The following PTPN4 variants were observed in gnomAD, a reference collection of about 807,000 sequenced individuals.
PTPN4 encodes tyrosine-protein phosphatase non-receptor type 4.
PTPN4 carries 49 observed loss-of-function variants against 135.5 expected under a neutral mutation model. The ratio of observed to expected loss-of-function variants is 0.36; its 90% CI spans 0.29 to 0.46. The LOEUF (loss-of-function observed/expected upper bound fraction) is 0.46. Among genes scored for constraint, PTPN4 ranks in the 20% least tolerant of loss-of-function variants. The probability of loss-of-function intolerance (pLI) is 1.00; values close to 1 mark genes in which losing one functional copy is unlikely to be tolerated. For missense variants in PTPN4, 860 were observed against 1,101.0 expected (o/e 0.78, Z 3.10); for synonymous variants, 333 against 369.9 (o/e 0.90, Z 1.14).
At chr2:119,766,090 C>G (rs1389298716) in intron 1 of PTPN4, among the ~76,000 whole-genome samples, 1 of 152,126 alleles carries the variant, frequency 6.6e-6, no homozygotes, top group Non-Finnish European at 1.5e-5. Context: ...GCAAGATACC[C>G]TTGTTTAATG....
At chr2:119,962,574 A>G in intron 23 of PTPN4, 42 bp from the exon 24 acceptor site, 1 of 1,088,906 alleles carries the variant, frequency 9.2e-7, no homozygotes, top group Non-Finnish European at 1.2e-6. Flanking sequence ...ATGAATCCAT[A>G]TGTATATAAT....
At chr2:119,963,064 C>A (rs1218436610) in intron 24 of PTPN4, among the ~76,000 whole-genome samples, 1 of 152,114 alleles carries the variant, frequency 6.6e-6, no homozygotes, top group Admixed American at 6.6e-5. Context: ...AAAACTTTTA[C>A]TCCAAGTAGT....
intron 10 of PTPN4, among the ~76,000 whole-genome samples, chr2:119,913,130 G>GT (rs1558762522): frequency 1.3e-5 from 2 of 152,030 alleles, no homozygotes; most frequent in Non-Finnish European, 2.9e-5. Flanking sequence ...CAGTTCACCA[G>GT]TTTTTTCCCC....
At chr2:119,788,107 C>T (rs962172161) in intron 1 of PTPN4, among the ~76,000 whole-genome samples, 1 of 152,044 alleles carries the variant, frequency 6.6e-6, no homozygotes, top group East Asian at 1.9e-4. Context: ...ACCCTTGTTA[C>T]AGTAGTTTTA....
At chr2:119,922,465 T>C (rs1369338197) in intron 12 of PTPN4, among the ~76,000 whole-genome samples, 1 of 152,206 alleles carries the variant, frequency 6.6e-6, no homozygotes, top group African/African-American at 2.4e-5. Context: ...TAAAATCTGA[T>C]GTTAGTATGA....
In PTPN4 at chr2:119,914,248, A is replaced by ATTTTTTTTTTTTTTTTTT. The variant is rs55911315; in HGVS notation, c.765-920_765-903dup. ...CATAAATACAGTCAATAGTTACTCAATTTTTTTTTTTTTTTTTTTTTTTTT... is the reference window on the plus strand; with the variant it reads ...CATAAATACAGTCAATAGTTACTCAATTTTTTTTTTTTTTTTTTTTTTTTTTTTTTTTTTTTTTTTTTT... On this transcript the variant is annotated intron_variant, in intron 10 of 26. Coordinates refer to ENST00000263708, the MANE Select transcript of PTPN4 (RefSeq NM_002830.4). 4.5e-4 allele frequency among the ~76,000 whole-genome samples: 44 copies of ATTTTTTTTTTTTTTTTTT among 97,416 alleles called. 5 individuals carry two copies. The highest frequency in any genetic ancestry group is 2.4e-3 in the African/African-American group (41 of 17,056). The allele number at this position is 97,416 out of a possible 152,430, so 63.9% of individuals were successfully genotyped here.
At chr2:119,842,417 TATAAAAG>T (rs909440494) in intron 2 of PTPN4, among the ~76,000 whole-genome samples, 14 of 152,170 alleles carry the variant, frequency 9.2e-5, no homozygotes. Flanking sequence ...GTTGTAAGCA[TATAAAAG>T]TAGAAAGAAT....
chr2:119,977,234 C>A lies in PTPN4; in HGVS notation c.*164C>A. On this transcript the variant is annotated 3_prime_UTR_variant, in exon 27 of 27. Transcript: ENST00000263708. The stretch of plus-strand genomic sequence containing the variant: ...TTGCACTTTATGTTTTAAAAAATGT[C>A]ACTCTTTCAAAATCTATAACTCATG... 1 of 1,168,736 alleles carries A rather than the reference C, an allele frequency of 8.6e-7. No individual in the cohort carries two copies. The highest frequency in any genetic ancestry group is 1.1e-6 in the Non-Finnish European group (1 of 901,662). 72.4% of individuals were successfully genotyped at this position (1,168,736 alleles called of 1,614,324 possible). A position where few individuals can be genotyped will look rare whatever the true frequency, so the allele number is the denominator to read the frequency against.
chr2:119,944,712 C>T (rs1406229485), intron 15 of PTPN4, among the ~76,000 whole-genome samples: 2 of 152,102 alleles, frequency 1.3e-5, no homozygotes, highest in Non-Finnish European at 2.9e-5. Context: ...GTTACTTTAT[C>T]TGTGGAACTA....
At chr2:119,932,273 A>T (rs1252103113) in intron 13 of PTPN4, 151 bp from the exon 14 acceptor site, 18 of 674,960 alleles carry the variant, frequency 2.7e-5, no homozygotes, top group Non-Finnish European at 4.0e-5. Context: ...GTTATTTGGT[A>T]AATAGCCTCT....
intron 18 of PTPN4, among the ~76,000 whole-genome samples, chr2:119,947,063 T>C (rs1013416918): frequency 4.6e-5 from 7 of 152,168 alleles, no homozygotes; most frequent in African/African-American, 1.4e-4. Flanking sequence ...GAATCTCCTA[T>C]TACTCATTGT....
At chr2:119,946,641 C>T (rs2105048263) in intron 18 of PTPN4, 67 bp downstream of exon 18, 1 of 1,202,450 alleles carries the variant, frequency 8.3e-7, no homozygotes, top group Non-Finnish European at 1.2e-6. Flanking sequence ...ATAATTCTTA[C>T]TAGTTTAAAT....
intron 10 of PTPN4, 23 bp from the exon 11 acceptor site, chr2:119,915,156 A>T: frequency 6.7e-7 from 1 of 1,492,196 alleles, no homozygotes. Context: ...AATACTTTGA[A>T]TAATTTATTG....
chr2:119,836,064 G>A (rs1455574374), intron 2 of PTPN4, among the ~76,000 whole-genome samples: 8 of 127,754 alleles, frequency 6.3e-5, no homozygotes, highest in Non-Finnish European at 1.1e-4. Flanking sequence ...GTGAGTCTCC[G>A]TCTCAAAAAA....
chr2:119,813,020 T>TC (rs1574347838), intron 2 of PTPN4, among the ~76,000 whole-genome samples: 1 of 152,172 alleles, frequency 6.6e-6, no homozygotes, highest in African/African-American at 2.4e-5. Flanking sequence ...CCATGTATTG[T>TC]CCTCAGGGAT....
chr2:119,808,129 G>A (rs947108508), intron 1 of PTPN4, among the ~76,000 whole-genome samples: 2 of 152,122 alleles, frequency 1.3e-5, no homozygotes, highest in African/African-American at 4.8e-5. Context: ...ATACTGAATG[G>A]GCAAAAGCTG....
intron 2 of PTPN4, among the ~76,000 whole-genome samples, chr2:119,819,354 G>C (rs1574350876): frequency 6.6e-6 from 1 of 152,138 alleles, no homozygotes; most frequent in African/African-American, 2.4e-5. Context: ...GGAGAATATT[G>C]CAATACCAGC....
chr2:119,815,015 T>C (rs1676965350), intron 2 of PTPN4, among the ~76,000 whole-genome samples: 1 of 152,218 alleles, frequency 6.6e-6, no homozygotes, highest in African/African-American at 2.4e-5. Flanking sequence ...TTGAGCACAA[T>C]TAAGGTGACC....
intron 19 of PTPN4, among the ~76,000 whole-genome samples, chr2:119,953,696 G>A (rs1679240233): frequency 6.6e-6 from 1 of 151,920 alleles, no homozygotes; most frequent in Admixed American, 6.6e-5. Context: ...AACTTTCTGT[G>A]CACCTAGGCT....
Sources: gnomAD v4.1 joint callset for allele counts (sites outside exome capture counted in the v4.1 genomes callset) on GRCh38, gnomAD v4.1.1 for gene constraint, MANE v1.5 for transcripts, NCBI Gene and HGNC (gene_info 2026-07-23, HGNC 2026-07-21) for gene names.